The following RYR2 variants were observed in gnomAD, a reference collection of about 807,000 sequenced individuals.
RYR2 encodes ryanodine receptor 2, also known as cardiac muscle ryanodine receptor-calcium release channel.
RYR2 carries 227 observed loss-of-function variants against 601.1 expected under a neutral mutation model. The ratio of observed to expected loss-of-function variants is 0.38; its 90% CI spans 0.34 to 0.42. The LOEUF (loss-of-function observed/expected upper bound fraction) is 0.42, where lower values mean the gene tolerates loss of function less well. Among genes scored for constraint, RYR2 ranks in the 10% least tolerant of loss-of-function variants. The pLI, the probability that RYR2 is intolerant of heterozygous loss-of-function variation, is 1.00. For synonymous variants in RYR2, 2,223 were observed against 2,175.1 expected (o/e 1.02, Z -0.61); for missense variants, 4,646 against 6,156.5 (o/e 0.75, Z 8.21).
At chr1:237,243,628 C>T (rs1174334096) in intron 1 of RYR2, among the ~76,000 whole-genome samples, 2 of 152,066 alleles carry the variant, frequency 1.3e-5, no homozygotes, top group East Asian at 3.9e-4. Flanking sequence ...CAGGCTATAG[C>T]GTGGGACCCT....
intron 1 of RYR2, among the ~76,000 whole-genome samples, chr1:237,166,870 C>G (rs1004342450): frequency 6.6e-6 from 1 of 152,142 alleles, no homozygotes; most frequent in Non-Finnish European, 1.5e-5. Context: ...AATCTCTGTA[C>G]AGAAAGACTT....
rs552571279 is a variant in RYR2, at chr1:237,503,736, C to T, written c.2613+231C>T. ...GTTGTCGTTGTTGTTGTGATGGAGT[C>T]GTGCTCTGTTGTCCAGGCTGGAGTG... On this transcript the variant is annotated intron_variant, in intron 22 of 104. Coordinates refer to ENST00000366574, the MANE Select transcript of RYR2 (RefSeq NM_001035.3). Among the ~76,000 whole-genome samples, 8 of 152,258 alleles carry T rather than the reference C, an allele frequency of 5.3e-5. No homozygotes were observed. The South Asian group carries it at 1.2e-3, about 24-fold the overall frequency.
At chr1:237,705,113 A>G (rs1262847115) in intron 66 of RYR2, 100 bp from the exon 67 acceptor site, 10 of 1,013,716 alleles carry the variant, frequency 9.9e-6, no homozygotes, top group Non-Finnish European at 1.5e-5. Context: ...TATTAGGACC[A>G]ATATTATCAT....
intron 80 of RYR2, among the ~76,000 whole-genome samples, chr1:237,744,280 G>T (rs1339116681): frequency 1.3e-5 from 2 of 150,602 alleles, no homozygotes; most frequent in Non-Finnish European, 3.0e-5. Flanking sequence ...AGGCTATATG[G>T]TAGGAAAATC....
intron 2 of RYR2, among the ~76,000 whole-genome samples, chr1:237,326,241 C>T (rs984134049): frequency 4.6e-5 from 7 of 151,694 alleles, no homozygotes; most frequent in Admixed American, 1.3e-4. Context: ...CAGTGTTTGC[C>T]AGGCAGGGGA....
intron 3 of RYR2, among the ~76,000 whole-genome samples, chr1:237,338,568 TG>T (rs1697462531): frequency 1.3e-5 from 2 of 152,158 alleles, no homozygotes; most frequent in Admixed American, 6.5e-5. Context: ...TACAAAATAG[TG>T]AGTGTGGTAT....
intron 1 of RYR2, among the ~76,000 whole-genome samples, chr1:237,135,263 A>C (rs1672637162): frequency 6.6e-6 from 1 of 152,170 alleles, no homozygotes; most frequent in Non-Finnish European, 1.5e-5. Context: ...CAAGTAAAAA[A>C]AGTCCCTGTA....
Position 237,613,118 on chromosome 1 carries a change from T to C in RYR2, c.4911-921T>C, listed in dbSNP as rs146623914. On this transcript the variant is annotated intron_variant, in intron 36 of 104. Transcript: ENST00000366574. ...AAAATCCAAATTCCAAAAAAGGAAG[T>C]CTTAACTAGCATGGTTGAGAAGAAT... is the stretch of plus-strand genomic sequence containing the variant. Among the ~76,000 whole-genome samples the C allele has an allele frequency of 1.2e-3, 189 of 152,290 alleles. 1 individual carries two copies. The highest frequency in any genetic ancestry group is 4.4e-3 in the African/African-American group (181 of 41,548).
intron 1 of RYR2, chr1:237,120,801 C>T (rs1028180917): frequency 1.3e-5 from 2 of 152,310 alleles, no homozygotes; most frequent in African/African-American, 4.8e-5. Flanking sequence ...AAATGGAGCT[C>T]TGAGCGGCTG....
At chr1:237,756,550 CG>C (rs1246682767) in intron 81 of RYR2, among the ~76,000 whole-genome samples, 163 bp downstream of exon 81, 1 of 152,030 alleles carries the variant, frequency 6.6e-6, no homozygotes, top group Non-Finnish European at 1.5e-5. Flanking sequence ...TCATTGTTTA[CG>C]GAGACCAATG....
rs1260451118 is a variant in RYR2, at chr1:237,274,249, A to T, written c.168+3633A>T. 3.3e-5 allele frequency among the ~76,000 whole-genome samples: 5 copies of T among 151,372 alleles called. No homozygotes were observed. The East Asian group carries it at 7.7e-4, about 23-fold the overall frequency. On this transcript the variant is annotated intron_variant, in intron 2 of 104. Coordinates refer to ENST00000366574, the MANE Select transcript of RYR2 (RefSeq NM_001035.3). The stretch of plus-strand genomic sequence containing the variant: ...TATGTATCACGTATATACATATGAC[A>T]CAGCTGTATGCCACATACCACATAT...
At chr1:237,611,650 C>A (rs78639808) in intron 36 of RYR2, among the ~76,000 whole-genome samples, 67 of 152,196 alleles carry the variant, frequency 4.4e-4, no homozygotes, top group Admixed American at 1.8e-3. Context: ...AAGTTTTGGG[C>A]CAAGATTTCC....
chr1:237,187,364 A>G (rs1010405137), intron 1 of RYR2, among the ~76,000 whole-genome samples: 1 of 148,506 alleles, frequency 6.7e-6, no homozygotes, highest in African/African-American at 2.5e-5. Context: ...GGTTGTCTCG[A>G]TCTCCTGACC....
rs148475757 is a variant in RYR2, at chr1:237,336,726, G to A, written c.273+5744G>A. Among the ~76,000 whole-genome samples the A allele has an allele frequency of 3.5e-3, 538 of 151,794 alleles. 4 individuals are homozygous for A. The highest frequency in any genetic ancestry group is 0.012 in the African/African-American group (516 of 41,364). ...ACAAAAATTAGCTGGGTGTGGTGGC[G>A]CACACCTGTAATCCCAGCTACTCGG... On this transcript the variant is annotated intron_variant, in intron 3 of 104. Coordinates refer to ENST00000366574, the MANE Select transcript of RYR2 (RefSeq NM_001035.3).
At chr1:237,824,882 G>C (rs990389354) in intron 101 of RYR2, among the ~76,000 whole-genome samples, 1 of 151,956 alleles carries the variant, frequency 6.6e-6, no homozygotes, top group African/African-American at 2.4e-5. Context: ...ACCAATAATA[G>C]ACAAACAGCC....
chr1:237,318,306 A>G (rs910394845), intron 2 of RYR2, among the ~76,000 whole-genome samples: 1 of 152,086 alleles, frequency 6.6e-6, no homozygotes, highest in African/African-American at 2.4e-5. Context: ...TACATCATAC[A>G]TATATGTTCC....
At chr1:237,342,243 G>A (rs1228120346) in intron 3 of RYR2, among the ~76,000 whole-genome samples, 1 of 151,478 alleles carries the variant, frequency 6.6e-6, no homozygotes, top group Non-Finnish European at 1.5e-5. Flanking sequence ...CCAATGCTGG[G>A]TCTCAAGGGA....
At chr1:237,393,121 T>A (rs1702526162) in intron 10 of RYR2, among the ~76,000 whole-genome samples, 1 of 152,094 alleles carries the variant, frequency 6.6e-6, no homozygotes, top group African/African-American at 2.4e-5. Flanking sequence ...TGTGGGGTGG[T>A]ATGACGGAGA....
At chr1:237,505,946 A>G (rs1334007496) in intron 22 of RYR2, among the ~76,000 whole-genome samples, 2 of 152,232 alleles carry the variant, frequency 1.3e-5, no homozygotes, top group Non-Finnish European at 2.9e-5. Flanking sequence ...GTAACAGAGT[A>G]GAGTGTAGGG....
Sources: allele counts gnomAD v4.1 joint callset (sites outside exome capture counted in the v4.1 genomes callset), GRCh38; gene constraint gnomAD v4.1.1; transcripts MANE v1.5; gene names NCBI Gene and HGNC (gene_info 2026-07-23, HGNC 2026-07-21).